CRB1: variants seen among roughly 807,000 people sequenced by gnomAD.
CRB1 encodes crumbs cell polarity complex component 1.
A neutral mutation model predicts 120.0 loss-of-function variants in CRB1; 83 were observed. The observed-to-expected ratio is 0.69, with a 90% CI of 0.58 to 0.83. The LOEUF is 0.83. Among genes scored for constraint, CRB1 ranks in the 40% least tolerant of loss-of-function variants. CRB1 has a pLI of 0.00. For missense variants in CRB1, 1,699 were observed against 1,687.6 expected, an observed-to-expected ratio of 1.01 and a Z score of -0.12; for synonymous variants, 625 against 612.5, an observed-to-expected ratio of 1.02 and a Z score of -0.30.
intron 11 of CRB1, among the ~76,000 whole-genome samples, chr1:197,476,190 A>G (rs6686241): frequency 0.94 from 142,532 of 151,610 alleles, 67,667 homozygotes; most frequent in East Asian, 1. Context: ...GATTACAGAT[A>G]TGAGCCACCG....
chr1:197,326,522 T>C (rs529412350), intron 1 of CRB1, among the ~76,000 whole-genome samples: 15 of 151,924 alleles, frequency 9.9e-5, no homozygotes, highest in Non-Finnish European at 1.9e-4. Context: ...TCCCAGCTCT[T>C]TGGGAGGCTG....
chr1:197,208,502 A>G, the CRB1 span, among the ~76,000 whole-genome samples: 25,164 of 152,068 alleles, frequency 0.17, 2,544 homozygotes, highest in Middle Eastern at 0.26. Flanking sequence ...TTCTGGATGT[A>G]GCCACCCAGT....
chr1:197,353,841 T>C (rs1347440966), intron 4 of CRB1, among the ~76,000 whole-genome samples: 2 of 145,504 alleles, frequency 1.4e-5, no homozygotes, highest in African/African-American at 5.0e-5. Flanking sequence ...AAAAAAACTT[T>C]ATACATTTCT....
chr1:197,391,257 G>T (rs1341977567), intron 5 of CRB1, among the ~76,000 whole-genome samples: 2 of 152,122 alleles, frequency 1.3e-5, no homozygotes, highest in Non-Finnish European at 2.9e-5. Flanking sequence ...CCTCAGGACA[G>T]AAACCTTATA....
At chr1:197,290,951 G>C (rs1375851159) in intron 1 of CRB1, among the ~76,000 whole-genome samples, 1 of 151,652 alleles carries the variant, frequency 6.6e-6, no homozygotes, top group Non-Finnish European at 1.5e-5. Context: ...AATCAAGAAA[G>C]AATTTTTCTT....
At chr1:197,278,448 G>A (rs1203692009) in intron 1 of CRB1, among the ~76,000 whole-genome samples, 1 of 151,940 alleles carries the variant, frequency 6.6e-6, no homozygotes, top group African/African-American at 2.4e-5. Context: ...AGCCTAAACA[G>A]ATTAAGACAT....
intron 5 of CRB1, among the ~76,000 whole-genome samples, chr1:197,411,186 C>T (rs756066381): frequency 2.6e-5 from 4 of 152,230 alleles, no homozygotes; most frequent in African/African-American, 7.2e-5. Flanking sequence ...CATATCTTAT[C>T]GCTGTCTCCT....
chr1:197,427,465 G>A lies in CRB1; in HGVS notation c.2140G>A (p.Gly714Ser). Residue 714 changes from glycine to serine, a missense_variant, in exon 7 of 12, where the codon GGC (glycine) becomes AGC (serine). By Grantham distance (56) the Gly-to-Ser change is moderately conservative. Transcript: ENST00000367400. ...GPNCLREYVA[G>S]RFGQDDSTGY... is the part of the protein sequence containing the mutation. ...TTTTGACATTGAAGAGTATGTGGCA[G>A]GCAGATTTGGCCAGGATGACTCCAC... 6.2e-7 allele frequency: 1 copy of A among 1,613,742 alleles called. No individual in the cohort carries two copies. Among genetic ancestry groups the A allele is most frequent in the Non-Finnish European group, 8.5e-7 (1 of 1,179,888 alleles).
chr1:197,215,384 T>G, the CRB1 span, among the ~76,000 whole-genome samples: 3 of 151,640 alleles, frequency 2.0e-5, no homozygotes, highest in Non-Finnish European at 2.9e-5. Context: ...TTCAAGCAAT[T>G]ATCCTGCCTC....
rs866530000 is a variant in CRB1 at position 197,347,220 on chromosome 1, T to G, written c.849-120T>G. 3.5e-5 allele frequency: 30 copies of G among 869,060 alleles called. 2 individuals are homozygous for G. The South Asian group carries it at 4.0e-4, about 12-fold the overall frequency. The allele number at this position is 869,060 out of a possible 1,614,324, so 53.8% of individuals were successfully genotyped here. A position where few individuals can be genotyped will look rare whatever the true frequency, so the allele number is the denominator to read the frequency against. On this transcript the variant is annotated intron_variant, in intron 3 of 11. Transcript: ENST00000367400. Reference sequence around the variant, plus strand: ...TCCTGTATAGATAATTCCCCAGAGTTTTTGAGGTAGTAAGATGATGCCATG... The same window carrying G: ...TCCTGTATAGATAATTCCCCAGAGTGTTTGAGGTAGTAAGATGATGCCATG...
At chr1:197,311,750 G>T (rs1023998456) in intron 1 of CRB1, among the ~76,000 whole-genome samples, 1 of 141,372 alleles carries the variant, frequency 7.1e-6, no homozygotes, top group South Asian at 2.2e-4. Context: ...TGTGTGTTGA[G>T]AAGATTTAAG....
intron 5 of CRB1, among the ~76,000 whole-genome samples, chr1:197,379,702 A>G (rs1661847876): frequency 1.3e-5 from 2 of 151,556 alleles, no homozygotes; most frequent in South Asian, 4.2e-4. Context: ...CATATCATAG[A>G]CTATTTTAAG....
chr1:197,241,577 A>G, the CRB1 span, among the ~76,000 whole-genome samples: 1 of 152,154 alleles, frequency 6.6e-6, no homozygotes, highest in Non-Finnish European at 1.5e-5. Flanking sequence ...TTTTGGTACC[A>G]GTACCATGCT....
At chr1:197,260,363 T>G in the CRB1 span, among the ~76,000 whole-genome samples, 1 of 152,124 alleles carries the variant, frequency 6.6e-6, no homozygotes, top group African/African-American at 2.4e-5. Context: ...AGAAATAAAA[T>G]TAAAACTGTA....
chr1:197,308,759 C>G (rs1657324624), intron 1 of CRB1, among the ~76,000 whole-genome samples: 1 of 151,316 alleles, frequency 6.6e-6, no homozygotes, highest in South Asian at 2.1e-4. Context: ...GTGATTACTA[C>G]TAAAAATCAT....
chr1:197,249,869 C>T, the CRB1 span, among the ~76,000 whole-genome samples: 3 of 151,940 alleles, frequency 2.0e-5, no homozygotes, highest in East Asian at 1.9e-4. Context: ...AAAAGTACTT[C>T]GTGAATTTTG....
intron 5 of CRB1, among the ~76,000 whole-genome samples, chr1:197,380,687 CA>C (rs1191967496): frequency 6.6e-6 from 1 of 152,130 alleles, no homozygotes; most frequent in Non-Finnish European, 1.5e-5. Context: ...GTAAAGCCCC[CA>C]AAAGGTAAAA....
intron 1 of CRB1, among the ~76,000 whole-genome samples, chr1:197,324,914 G>A (rs1658408777): frequency 6.6e-6 from 1 of 152,134 alleles, no homozygotes; most frequent in Non-Finnish European, 1.5e-5. Flanking sequence ...GTGTACAGTA[G>A]GAATACAAAG....
the CRB1 span, among the ~76,000 whole-genome samples, chr1:197,214,542 A>G: frequency 6.6e-6 from 1 of 152,200 alleles, no homozygotes; most frequent in African/African-American, 2.4e-5. Context: ...TGACTATACT[A>G]TGAACAACTA....
Sources: gnomAD v4.1 joint callset for allele counts (sites outside exome capture counted in the v4.1 genomes callset) on GRCh38, gnomAD v4.1.1 for gene constraint, MANE v1.5 for transcripts, NCBI Gene and HGNC (gene_info 2026-07-23, HGNC 2026-07-21) for gene names.